Variants in ATP13A2 observed in about 807,000 individuals in gnomAD.
The protein encoded by ATP13A2 is polyamine-transporting ATPase 13A2.
A neutral mutation model predicts 138.3 loss-of-function variants in ATP13A2; 83 were observed. The observed-to-expected ratio is 0.60, with a 90% CI of 0.50 to 0.72. The LOEUF (loss-of-function observed/expected upper bound fraction) is 0.72. Ranked by LOEUF, ATP13A2 falls within the 30% of genes least tolerant of loss-of-function variation. ATP13A2 has a pLI of 0.00. For synonymous variants in ATP13A2, 663 were observed against 699.0 expected (o/e 0.95, Z 0.81); for missense variants, 1,402 against 1,606.4 (o/e 0.87, Z 2.17).
intron 23 of ATP13A2, among the ~76,000 whole-genome samples, 199 bp downstream of exon 23, chr1:16,989,492 T>C (rs962321033): frequency 6.6e-6 from 1 of 152,236 alleles, no homozygotes; most frequent in Non-Finnish European, 1.5e-5. Context: ...ATTACAGGAA[T>C]GAGCCACCGC....
chr1:16,994,450 C>A (rs2100837840), intron 15 of ATP13A2, among the ~76,000 whole-genome samples: 1 of 152,052 alleles, frequency 6.6e-6, no homozygotes, highest in Middle Eastern at 3.4e-3. Context: ...TCAGGCTGGT[C>A]TCGAACTCCC....
chr1:16,990,518 C>CT (rs1051817991), intron 20 of ATP13A2, among the ~76,000 whole-genome samples: 2 of 151,964 alleles, frequency 1.3e-5, no homozygotes, highest in African/African-American at 4.8e-5. Flanking sequence ...ACATATACTC[C>CT]TTTTTTTTCT....
At chr1:16,988,844 G>C (rs1391124013) in intron 23 of ATP13A2, among the ~76,000 whole-genome samples, 1 of 152,078 alleles carries the variant, frequency 6.6e-6, no homozygotes, top group African/African-American at 2.4e-5. Context: ...ATGTTGGCCA[G>C]GCTGGTCTTA....
At position 16,987,091 on chromosome 1, in the gene ATP13A2, G is replaced by A; in HGVS notation, c.3038C>T (p.Thr1013Ile). Residue 1013 changes from threonine (T) to isoleucine (I), a missense_variant, in exon 26 of 29, where the codon ACC (threonine) becomes ATC (isoleucine). Coordinates refer to ENST00000326735, the MANE Select transcript of ATP13A2 (RefSeq NM_022089.4). ...GAAGTAGCCCCCTAGCTGCACGCCGGTCACCAGGACCATCTGCAGCAGCAG... is the reference window on the plus strand; with the variant it reads ...GAAGTAGCCCCCTAGCTGCACGCCGATCACCAGGACCATCTGCAGCAGCAG... Reference protein sequence around the residue: ...SSLLLQMVLVTGVQLGGYFLT... With the variant: ...SSLLLQMVLVIGVQLGGYFLT... 1.9e-6 allele frequency: 3 copies of A among 1,613,472 alleles called. No homozygotes were observed. The highest frequency in any genetic ancestry group is 2.5e-6 in the Non-Finnish European group (3 of 1,179,962).
rs973107762 is a variant in ATP13A2, at chr1:16,986,076, G to A, written c.*145C>T. On this transcript the variant is annotated 3_prime_UTR_variant, in exon 29 of 29. Coordinates refer to ENST00000326735, the MANE Select transcript of ATP13A2 (RefSeq NM_022089.4). This position sits in a 1 kb window ranked among gnomAD's most constrained non-coding sequence, Gnocchi z 6.9. ...GGGACAGTAGTCAACGCTTCCCCAG[G>A]GTGGGGGTGGTCTCGGGGGAGGAGT... 9.1e-6 allele frequency: 14 copies of A among 1,531,318 alleles called. No individual in the cohort carries two copies. The highest frequency in any genetic ancestry group is 1.2e-5 in the Non-Finnish European group (14 of 1,137,038). 94.9% of individuals were successfully genotyped at this position (1,531,318 alleles called of 1,614,324 possible).
rs966397868 is a variant in ATP13A2 at position 17,003,190 on chromosome 1, G to T, written c.558-817C>A. On this transcript the variant is annotated intron_variant, in intron 6 of 28. Transcript: ENST00000326735. ...GTGCTTCCATCCCTTCCCCAGCACT[G>T]CCTGGGATCAGCTTCAAAACAAACT... Among the ~76,000 whole-genome samples the T allele has an allele frequency of 1.1e-4, 17 of 152,276 alleles. No homozygotes were observed. The East Asian group carries it at 3.1e-3, about 28-fold the overall frequency.
At chr1:17,009,819 CT>C (rs2077713399) in intron 1 of ATP13A2, among the ~76,000 whole-genome samples, 1 of 152,206 alleles carries the variant, frequency 6.6e-6, no homozygotes, top group African/African-American at 2.4e-5. Context: ...CAATGACACT[CT>C]CTCAGTCAAC....
chr1:16,988,106 G>A (rs774069629), intron 25 of ATP13A2, 32 bp downstream of exon 25: 105 of 1,593,022 alleles, frequency 6.6e-5, no homozygotes, highest in Non-Finnish European at 7.7e-5. Context: ...GTCCTGGGAC[G>A]GCTCTGGGTA....
At chr1:16,996,923 TG>T in intron 12 of ATP13A2, 96 bp downstream of exon 12, 1 of 1,461,028 alleles carries the variant, frequency 6.8e-7, no homozygotes, top group Non-Finnish European at 9.3e-7. Flanking sequence ...GAGGTGGGCG[TG>T]GGGTCCAGGG....
chr1:17,002,997 G>A (rs900695725), intron 6 of ATP13A2, among the ~76,000 whole-genome samples: 9 of 152,198 alleles, frequency 5.9e-5, no homozygotes, highest in African/African-American at 1.9e-4. Flanking sequence ...GGAAAGCGTG[G>A]AAGACTTTGT....
In ATP13A2 at chr1:16,986,525, C is replaced by G. The variant is rs145674970; in HGVS notation, c.3343G>C (p.Gly1115Arg). The G allele has an allele frequency of 1.9e-6, 3 of 1,612,594 alleles. No homozygotes were observed. The African/African-American group carries it at 4.0e-5, about 22-fold the overall frequency. Residue 1115 changes from glycine (G) to arginine (R), a missense_variant, in exon 28 of 29, where the codon GGC (glycine) becomes CGC (arginine). Gly to Arg is a moderately radical substitution (Grantham distance 125). Transcript: ENST00000326735. The surrounding 1 kb of genome is among the most constrained non-coding windows in gnomAD (Gnocchi z 6.9). ...PLALRNITDT[G>R]FKLLLLGLVT... Reference sequence around the variant, plus strand: ...AGACCCAGCAGCAGCAGCTTGAAGCCGGTGTCAGTGATGTTCCTCAGCGCC... The same window carrying G: ...AGACCCAGCAGCAGCAGCTTGAAGCGGGTGTCAGTGATGTTCCTCAGCGCC...
chr1:16,988,109 T>C, intron 25 of ATP13A2, 29 bp downstream of exon 25: 1 of 1,601,360 alleles, frequency 6.2e-7, no homozygotes, highest in Non-Finnish European at 8.6e-7. Context: ...CTGGGACGGC[T>C]CTGGGTACGG....
intron 1 of ATP13A2, among the ~76,000 whole-genome samples, chr1:17,007,319 C>G (rs918079174): frequency 6.6e-6 from 1 of 152,168 alleles, no homozygotes; most frequent in Non-Finnish European, 1.5e-5. Flanking sequence ...GGTTCATCTA[C>G]GGTCCCAGAC....
chr1:16,988,117 C>T lies in ATP13A2; in HGVS notation c.2859+21G>A, dbSNP rs759283607. 24 of 1,607,216 alleles carry T rather than the reference C, an allele frequency of 1.5e-5. No individual in the cohort carries two copies. In the Admixed American group the frequency reaches 2.2e-4, roughly 15 times the overall value. ...CCTAGTCCTGGGACGGCTCTGGGTA[C>T]GGAGCTCTGCAGATACTCACCGTGT... On this transcript the variant is annotated intron_variant, in intron 25 of 28. Coordinates refer to ENST00000326735, the MANE Select transcript of ATP13A2 (RefSeq NM_022089.4).
intron 3 of ATP13A2, 92 bp from the exon 4 acceptor site, chr1:17,005,164 A>G: frequency 6.4e-7 from 1 of 1,569,144 alleles, no homozygotes; most frequent in East Asian, 2.2e-5. Context: ...TGGAGAAGGC[A>G]GAAATCAAGG....
In ATP13A2 at chr1:16,998,486, G is replaced by T. The variant is rs538637372; in HGVS notation, c.1040-1311C>A. On this transcript the variant is annotated intron_variant, in intron 11 of 28. Coordinates refer to ENST00000326735, the MANE Select transcript of ATP13A2 (RefSeq NM_022089.4). ...CTGCCAAAGTGTTGGGATTACAGGT[G>T]CGAGCCACTGCGCCTGGCCTACGAT... Among the ~76,000 whole-genome samples the T allele has an allele frequency of 3.2e-4, 49 of 152,188 alleles. No individual in the cohort carries two copies. In the South Asian group the frequency reaches 3.3e-3, roughly 10 times the overall value.
chr1:16,991,756 G>A lies in ATP13A2; in HGVS notation c.2229C>T (p.Arg743=). ...TPVIQALRRT[R]IRAVMVTGDN... Reference sequence around the variant, plus strand: ...TACCTGTCACCATGACGGCGCGGATGCGGGTCCTTCGCAGAGCCTGGATAA... The same window carrying A: ...TACCTGTCACCATGACGGCGCGGATACGGGTCCTTCGCAGAGCCTGGATAA... The change falls in exon 20 of 29, where the codon CGC becomes CGT. Residue 743 remains arginine (R), a synonymous_variant. Coordinates refer to ENST00000326735, the MANE Select transcript of ATP13A2 (RefSeq NM_022089.4). 1 of 1,614,190 alleles carries A rather than the reference G, an allele frequency of 6.2e-7. No individual in the cohort carries two copies. Among genetic ancestry groups the A allele is most frequent in the Non-Finnish European group, 8.5e-7 (1 of 1,180,048 alleles).
intron 18 of ATP13A2, 43 bp downstream of exon 18, chr1:16,992,200 T>TTGG (rs770145688): frequency 3.3e-5 from 53 of 1,611,514 alleles, no homozygotes; most frequent in Non-Finnish European, 9.3e-6. Context: ...CCCCATTCTG[T>TTGG]GCCAATGCCC....
rs143516833 is a variant in ATP13A2 at position 17,003,126 on chromosome 1, G to A, written c.558-753C>T. Reference sequence around the variant, plus strand: ...GGAGATCCCCAGGCGACTGAAGTCCGGGTGTCCACAGCTGTGGCAGCCAGC... The same window carrying A: ...GGAGATCCCCAGGCGACTGAAGTCCAGGTGTCCACAGCTGTGGCAGCCAGC... On this transcript the variant is annotated intron_variant, in intron 6 of 28. Coordinates refer to ENST00000326735, the MANE Select transcript of ATP13A2 (RefSeq NM_022089.4). Among the ~76,000 whole-genome samples, 7 of 152,232 alleles carry A rather than the reference G, an allele frequency of 4.6e-5. No homozygotes were observed. In the East Asian group the frequency reaches 5.8e-4, roughly 13 times the overall value.
Sources: gnomAD v4.1 joint callset for allele counts (sites outside exome capture counted in the v4.1 genomes callset) on GRCh38, gnomAD v4.1.1 for gene constraint, Gnocchi (gnomAD v3.1) non-coding constraint, MANE v1.5 for transcripts, NCBI Gene and HGNC (gene_info 2026-07-23, HGNC 2026-07-21) for gene names.